Variants in INTS7 observed in about 807,000 individuals in gnomAD.
INTS7 encodes the protein integrator complex subunit 7, also known as chromosome 1 open reading frame 73.
A neutral mutation model predicts 109.2 loss-of-function variants in INTS7; 46 were observed. That is an observed-to-expected ratio of 0.42 (90% CI 0.33 to 0.54). The LOEUF (loss-of-function observed/expected upper bound fraction) is 0.54, where lower values mean the gene tolerates loss of function less well. INTS7 is among the 20% of genes least tolerant of loss of function. The pLI, the probability that INTS7 is intolerant of heterozygous loss-of-function variation, is 0.07. For missense variants in INTS7, 929 were observed against 1,132.4 expected, an observed-to-expected ratio of 0.82 and a Z score of 2.58; for synonymous variants, 412 against 402.9, an observed-to-expected ratio of 1.02 and a Z score of -0.27.
At chr1:211,967,678 C>T (rs188649008) in intron 15 of INTS7, among the ~76,000 whole-genome samples, 200 bp downstream of exon 15, 1 of 152,048 alleles carries the variant, frequency 6.6e-6, no homozygotes, top group Non-Finnish European at 1.5e-5. Flanking sequence ...AAGACACCTT[C>T]GAGTCACCAT....
At chr1:211,962,675 A>T (rs1663693090) in intron 16 of INTS7, among the ~76,000 whole-genome samples, 1 of 152,150 alleles carries the variant, frequency 6.6e-6, no homozygotes, top group Non-Finnish European at 1.5e-5. Flanking sequence ...AATAATAACC[A>T]CTTTCTTGGA....
intron 1 of INTS7, among the ~76,000 whole-genome samples, chr1:212,032,301 C>T (rs1001480255): frequency 6.6e-6 from 1 of 152,128 alleles, no homozygotes; most frequent in African/African-American, 2.4e-5. Context: ...ACTTGGGTCC[C>T]TGACCCTCCC....
chr1:211,981,800 T>TTAATA (rs1664680198), intron 9 of INTS7, among the ~76,000 whole-genome samples: 1 of 152,174 alleles, frequency 6.6e-6, no homozygotes, highest in Non-Finnish European at 1.5e-5. Flanking sequence ...TACCTTTAGG[T>TTAATA]TAATATATTT....
chr1:212,015,122 G>C (rs919009582), intron 4 of INTS7, among the ~76,000 whole-genome samples: 5 of 151,670 alleles, frequency 3.3e-5, no homozygotes, highest in Admixed American at 6.6e-5. Flanking sequence ...CGCCCCGTCC[G>C]GGAGGGAGGT....
chr1:211,991,343 T>C lies in INTS7; in HGVS notation c.880-3340A>G, dbSNP rs537152742. The stretch of plus-strand genomic sequence containing the variant: ...TACCAACTCTGTGATCTGAGCCAAT[T>C]ACTGAAATATTTGAGTCTCAACTTC... On this transcript the variant is annotated intron_variant, in intron 7 of 19. Coordinates refer to ENST00000366994, the MANE Select transcript of INTS7 (RefSeq NM_015434.4). Among the ~76,000 whole-genome samples the C allele has an allele frequency of 3.3e-5, 5 of 152,326 alleles. No homozygotes were observed. In the East Asian group the frequency reaches 9.6e-4, roughly 29 times the overall value.
intron 13 of INTS7, among the ~76,000 whole-genome samples, chr1:211,972,091 G>A (rs1176293852): frequency 2.0e-5 from 3 of 152,032 alleles, no homozygotes; most frequent in Admixed American, 2.0e-4. Flanking sequence ...TTAGGAGACA[G>A]TGTCTTGCTA....
chr1:212,001,714 C>G (rs1225763743), intron 7 of INTS7, among the ~76,000 whole-genome samples: 1 of 152,194 alleles, frequency 6.6e-6, no homozygotes, highest in Non-Finnish European at 1.5e-5. Context: ...TTGCCAAACG[C>G]AAAGGTGAAC....
intron 7 of INTS7, among the ~76,000 whole-genome samples, chr1:212,004,680 A>G (rs1665824778): frequency 6.6e-6 from 1 of 152,242 alleles, no homozygotes; most frequent in East Asian, 1.9e-4. Flanking sequence ...TAGAATTGTC[A>G]AGGACTAACA....
chr1:212,034,318 T>C (rs1483500861), intron 1 of INTS7, among the ~76,000 whole-genome samples: 2 of 152,002 alleles, frequency 1.3e-5, no homozygotes, highest in African/African-American at 4.8e-5. Context: ...TTATTTAGAC[T>C]AACCCACTAA....
chr1:212,013,241 G>C (rs1558053608), intron 4 of INTS7, among the ~76,000 whole-genome samples: 3 of 152,086 alleles, frequency 2.0e-5, no homozygotes, highest in East Asian at 1.9e-4. Context: ...GGCTGGTCTT[G>C]AACTCCTGAG....
chr1:212,005,013 T>C (rs1267305605), intron 7 of INTS7, among the ~76,000 whole-genome samples: 1 of 152,218 alleles, frequency 6.6e-6, no homozygotes, highest in Non-Finnish European at 1.5e-5. Context: ...GCATTTTCTG[T>C]AAGTCAGAAA....
intron 13 of INTS7, among the ~76,000 whole-genome samples, chr1:211,969,457 T>C (rs1664064053): frequency 6.6e-6 from 1 of 151,840 alleles, no homozygotes; most frequent in Non-Finnish European, 1.5e-5. Flanking sequence ...GAGGAATATG[T>C]TTCTAGACAG....
chr1:211,982,747 T>C lies in INTS7; in HGVS notation c.1061A>G (p.His354Arg). ...ATGAGCTGCAATGCCCCTGTTATTATGGTAACAGCACTCTTGGGCTAATTT... is the reference window on the plus strand; with the variant it reads ...ATGAGCTGCAATGCCCCTGTTATTACGGTAACAGCACTCTTGGGCTAATTT... ...LVKLAQECCY[H>R]NNRGIAAHGV... is the part of the protein sequence containing the mutation. The change falls in exon 9 of 20, where the codon CAT becomes CGT. Residue 354 changes from histidine to arginine, a missense_variant. By Grantham distance (29) the His-to-Arg change is conservative (BLOSUM62 0). Around this residue, in one of 2 missense-constraint regions of INTS7, gnomAD observed 787 missense variants for 901.1 expected, o/e 0.87. Coordinates refer to ENST00000366994, the MANE Select transcript of INTS7 (RefSeq NM_015434.4). 1 of 1,611,836 alleles carries C rather than the reference T, an allele frequency of 6.2e-7. No individual in the cohort carries two copies. Among genetic ancestry groups the C allele is most frequent in the Non-Finnish European group, 8.5e-7 (1 of 1,178,212 alleles).
At chr1:211,951,408 A>C (rs767255741) in intron 17 of INTS7, among the ~76,000 whole-genome samples, 2 of 152,116 alleles carry the variant, frequency 1.3e-5, no homozygotes, top group Non-Finnish European at 2.9e-5. Flanking sequence ...ACCCGGTTCA[A>C]GCGATTCTCC....
intron 7 of INTS7, among the ~76,000 whole-genome samples, chr1:212,004,656 T>C (rs1665823748): frequency 6.6e-6 from 1 of 152,174 alleles, no homozygotes; most frequent in African/African-American, 2.4e-5. Context: ...GACAAGCTGA[T>C]TCTGAAATTT....
chr1:212,025,907 G>A (rs1328373175), intron 1 of INTS7, among the ~76,000 whole-genome samples: 4 of 152,258 alleles, frequency 2.6e-5, no homozygotes, highest in African/African-American at 7.2e-5. Flanking sequence ...TGTAATCCCA[G>A]CACTTTGGGA....
chr1:211,945,012 A>G, intron 18 of INTS7, 43 bp from the exon 19 acceptor site: 1 of 1,589,702 alleles, frequency 6.3e-7, no homozygotes, highest in Non-Finnish European at 8.6e-7. Context: ...ACCAAGAGCA[A>G]GCTTCCTTCC....
chr1:212,015,681 A>G (rs1369922285), intron 4 of INTS7, among the ~76,000 whole-genome samples: 2 of 122,602 alleles, frequency 1.6e-5, no homozygotes, highest in African/African-American at 6.2e-5. Context: ...CCTCTCTCCG[A>G]GAAACACCCA....
intron 1 of INTS7, 39 bp from the exon 2 acceptor site, chr1:212,021,251 T>C: frequency 6.4e-7 from 1 of 1,561,432 alleles, no homozygotes; most frequent in South Asian, 1.2e-5. Flanking sequence ...AAGAACAGTT[T>C]GCATATTTGT....
Sources: allele counts gnomAD v4.1 joint callset (sites outside exome capture counted in the v4.1 genomes callset), GRCh38; gene constraint gnomAD v4.1.1; regional missense constraint gnomAD v4.1.1; transcripts MANE v1.5; gene names NCBI Gene and HGNC (gene_info 2026-07-23, HGNC 2026-07-21).